The following TRIP12 variants were observed in gnomAD, a reference collection of about 807,000 sequenced individuals.
TRIP12 encodes E3 ubiquitin-protein ligase TRIP12.
TRIP12 carries 25 observed loss-of-function variants against 244.2 expected under a neutral mutation model. That is an observed-to-expected ratio of 0.10 (90% CI 0.07 to 0.14). The LOEUF (loss-of-function observed/expected upper bound fraction) is 0.14. Ranked by LOEUF, TRIP12 falls within the 10% of genes least tolerant of loss-of-function variation. The pLI is 1.00. For missense variants in TRIP12, 1,677 were observed against 2,486.4 expected (o/e 0.67, Z 6.92); for synonymous variants, 905 against 873.1 (o/e 1.04, Z -0.64).
At chr2:229,849,708 A>G (rs1426183127) in intron 4 of TRIP12, among the ~76,000 whole-genome samples, 1 of 152,098 alleles carries the variant, frequency 6.6e-6, no homozygotes, top group African/African-American at 2.4e-5. Context: ...ACAAAAAAAA[A>G]ATCTTTCTAA....
chr2:229,894,857 A>T (rs530928331), intron 1 of TRIP12, among the ~76,000 whole-genome samples: 47 of 152,288 alleles, frequency 3.1e-4, no homozygotes, highest in Non-Finnish European at 6.2e-4. Flanking sequence ...CATGTTTCCT[A>T]AAAAAACTTC....
At chr2:229,877,338 T>C (rs756177116) in intron 2 of TRIP12, among the ~76,000 whole-genome samples, 8 of 151,954 alleles carry the variant, frequency 5.3e-5, no homozygotes, top group Non-Finnish European at 1.2e-4. Context: ...AAGACCAGCC[T>C]GGCCAAGATG....
chr2:229,774,922 A>T (rs903658885), intron 37 of TRIP12, among the ~76,000 whole-genome samples: 11 of 152,154 alleles, frequency 7.2e-5, no homozygotes, highest in Non-Finnish European at 7.4e-5. Flanking sequence ...CTCACTTTTT[A>T]AAAAATGTCT....
At position 229,791,243 on chromosome 2, in the gene TRIP12, G is replaced by C. The variant is rs745592977; in HGVS notation, c.4424C>G (p.Pro1475Arg). 1 of 1,613,890 alleles carries C rather than the reference G, an allele frequency of 6.2e-7. No individual in the cohort carries two copies. The highest frequency in any genetic ancestry group is 8.5e-7 in the Non-Finnish European group (1 of 1,179,926). ...ATTACTTTCTTCATCCTCTCTCACA[G>C]GTTTATACCTAAAATGACAAGACAG... The part of the protein sequence containing the change: ...WTKTHTIWYK[P>R]VREDEESNKD... The change falls in exon 30 of 42, where the codon CCT (proline) becomes CGT (arginine). Residue 1475 changes from proline (P) to arginine (R), a missense_variant. Coordinates refer to ENST00000675903, the MANE Select transcript of TRIP12 (RefSeq NM_001348323.3).
intron 1 of TRIP12, among the ~76,000 whole-genome samples, chr2:229,917,702 G>C (rs1226274450): frequency 6.6e-6 from 1 of 152,128 alleles, no homozygotes; most frequent in East Asian, 1.9e-4. Flanking sequence ...AAAGCATTCT[G>C]AAGAATCTGC....
At position 229,836,842 on chromosome 2, in the gene TRIP12, A is replaced by G. The variant is rs756142947; in HGVS notation, c.1270+6T>C. ...CGCATTTTAAAGCTAAGAAGTACCA[A>G]TCTACCTGCAGCTCCTTGGGGAGCT... is the stretch of plus-strand genomic sequence containing the variant. On this transcript the variant is annotated splice_donor_region_variant and intron_variant, in intron 6 of 41. Transcript: ENST00000675903. 1 of 1,586,278 alleles carries G rather than the reference A, an allele frequency of 6.3e-7. No homozygotes were observed. The highest frequency in any genetic ancestry group is 8.5e-7 in the Non-Finnish European group (1 of 1,171,444).
At chr2:229,780,533 G>C (rs187840105) in intron 34 of TRIP12, among the ~76,000 whole-genome samples, 1 of 152,006 alleles carries the variant, frequency 6.6e-6, no homozygotes, top group African/African-American at 2.4e-5. Flanking sequence ...TTCTTACCAC[G>C]GCCTACATGA....
chr2:229,860,675 T>A, intron 2 of TRIP12, 144 bp from the exon 3 acceptor site: 1 of 870,270 alleles, frequency 1.1e-6, no homozygotes, highest in Non-Finnish European at 1.6e-6. Flanking sequence ...TTATAAATTT[T>A]AATTATTATT....
At chr2:229,826,944 T>A (rs1210880942) in intron 8 of TRIP12, among the ~76,000 whole-genome samples, 1 of 152,182 alleles carries the variant, frequency 6.6e-6, no homozygotes, top group East Asian at 1.9e-4. Flanking sequence ...TTTTGTAAAC[T>A]GTATATTTAT....
chr2:229,767,680 G>C lies in TRIP12; in HGVS notation c.6078C>G (p.Asp2026Glu), dbSNP rs746061364. 2 of 1,614,150 alleles carry C rather than the reference G, an allele frequency of 1.2e-6. No homozygotes were observed. The highest frequency in any genetic ancestry group is 2.2e-5 in the South Asian group (2 of 91,076). ...CACAAGTCATTACAGAGGGCAAGAA[G>C]TCATCTGGGTTTTCTGTTGATTCAA... ...KTFESTENPD[D>E]FLPSVMTCVN... Residue 2026 changes from aspartate (D) to glutamate (E), a missense_variant, in exon 42 of 42, where the codon GAC (aspartate) becomes GAG (glutamate). By Grantham distance (45) the Asp-to-Glu change is conservative (BLOSUM62 2). Around this residue, in one of 11 missense-constraint regions of TRIP12, gnomAD observed 171 missense variants for 388.4 expected, o/e 0.44. Coordinates refer to ENST00000675903, the MANE Select transcript of TRIP12 (RefSeq NM_001348323.3).
Position 229,774,274 on chromosome 2 carries a change from A to C in TRIP12, c.5530-13T>G. ...GACTCTCTTTGGTCTAAAAAACACA[A>C]ATGGGGGAGAAATGGTGTCAAGCAA... is the stretch of plus-strand genomic sequence containing the variant. On this transcript the variant is annotated splice_polypyrimidine_tract_variant and intron_variant, in intron 37 of 41. Coordinates refer to ENST00000675903, the MANE Select transcript of TRIP12 (RefSeq NM_001348323.3). 6.3e-7 allele frequency: 1 copy of C among 1,594,666 alleles called. No homozygotes were observed.
chr2:229,802,079 A>G (rs1437412491), intron 21 of TRIP12, among the ~76,000 whole-genome samples, 173 bp downstream of exon 21: 1 of 152,206 alleles, frequency 6.6e-6, no homozygotes, highest in Non-Finnish European at 1.5e-5. Flanking sequence ...ACACAGCCCA[A>G]TACAGTAGGT....
intron 8 of TRIP12, among the ~76,000 whole-genome samples, chr2:229,826,060 TA>T (rs1308253646): frequency 6.6e-6 from 1 of 152,164 alleles, no homozygotes; most frequent in Non-Finnish European, 1.5e-5. Flanking sequence ...TATTAACCAG[TA>T]AAGAGTGAAA....
In TRIP12 at chr2:229,804,010, A is replaced by C. The variant is rs1278131408; in HGVS notation, c.2868T>G (p.His956Gln). 1 of 1,613,040 alleles carries C rather than the reference A, an allele frequency of 6.2e-7. No homozygotes were observed. The highest frequency in any genetic ancestry group is 8.5e-7 in the Non-Finnish European group (1 of 1,179,686). The change falls in exon 19 of 42, where the codon CAT becomes CAG. Residue 956 changes from histidine to glutamine, a missense_variant. His to Gln is a conservative substitution (Grantham distance 24). This residue lies in a region of TRIP12 where 572 missense variants were observed against 867.8 expected (regional missense o/e 0.66). Transcript: ENST00000675903. ...AELLKDVLKN[H>Q]AVSSHIASML... is the part of the protein sequence containing the mutation. Reference sequence around the variant, plus strand: ...TTTCATTAACACACCTTGAAACAGCATGATTTTTCAGAACATCCTTCAGAA... The same window carrying C: ...TTTCATTAACACACCTTGAAACAGCCTGATTTTTCAGAACATCCTTCAGAA...
Position 229,796,667 on chromosome 2 carries a change from G to A in TRIP12, c.3740C>T (p.Thr1247Ile). The change falls in exon 25 of 42, where the codon ACA becomes ATA. Residue 1247 changes from threonine (T) to isoleucine (I), a missense_variant. By Grantham distance (89) the Thr-to-Ile change is moderately conservative. This residue lies in a region of TRIP12 where 77 missense variants were observed against 69.2 expected (regional missense o/e 1.11). Coordinates refer to ENST00000675903, the MANE Select transcript of TRIP12 (RefSeq NM_001348323.3). ...GFVKQLLLYL[T>I]SKSEKDAVSR... ...CACAGCATCCTTTTCACTTTTAGAT[G>A]TCAAATAAAGCAACAGCTGCTTCAC... 1 of 1,613,026 alleles carries A rather than the reference G, an allele frequency of 6.2e-7. No individual in the cohort carries two copies. Among genetic ancestry groups the A allele is most frequent in the Non-Finnish European group, 8.5e-7 (1 of 1,179,746 alleles).
rs781096232 is a variant in TRIP12 at position 229,807,879 on chromosome 2, T to C, written c.2340-15A>G. 4 of 1,605,212 alleles carry C rather than the reference T, an allele frequency of 2.5e-6. No individual in the cohort carries two copies. The highest frequency in any genetic ancestry group is 2.6e-6 in the Non-Finnish European group (3 of 1,174,422). ...GCATAAGTTCACTGAAAACAAAAAG[T>C]ACAATAATTTTAGTAACTTTATGAA... On this transcript the variant is annotated splice_polypyrimidine_tract_variant and intron_variant, in intron 16 of 41. Transcript: ENST00000675903.
intron 1 of TRIP12, among the ~76,000 whole-genome samples, chr2:229,903,184 T>C (rs754531600): frequency 1.5e-4 from 23 of 151,988 alleles, no homozygotes; most frequent in Non-Finnish European, 2.6e-4. Context: ...ATGGACACAA[T>C]GACTTCAAGC....
In TRIP12 at chr2:229,813,940, C is replaced by G; in HGVS notation, c.1916G>C (p.Ser639Thr). The G allele has an allele frequency of 6.3e-7, 1 of 1,598,988 alleles. No homozygotes were observed. Among genetic ancestry groups the G allele is most frequent in the Non-Finnish European group, 8.6e-7 (1 of 1,168,426 alleles). ...AAAATGAAATTCATCTGGCGTGATA[C>G]TCTGGCAGCAATTAGCTGCAATTGC... ...ALAIAANCCQSITPDEFHFVA... is the reference protein window; with the variant it reads ...ALAIAANCCQTITPDEFHFVA... The change falls in exon 13 of 42, where the codon AGT (serine) becomes ACT (threonine). Residue 639 changes from serine to threonine, a missense_variant. Transcript: ENST00000675903.
chr2:229,807,433 A>G (rs2046154152), intron 17 of TRIP12: 1 of 450,528 alleles, frequency 2.2e-6, no homozygotes, highest in Non-Finnish European at 4.0e-6. Context: ...AAGTCTTCCA[A>G]TGTTTCCTTT....
Sources: allele counts gnomAD v4.1 joint callset (sites outside exome capture counted in the v4.1 genomes callset), GRCh38; gene constraint gnomAD v4.1.1; regional missense constraint gnomAD v4.1.1; transcripts MANE v1.5; gene names NCBI Gene and HGNC (gene_info 2026-07-23, HGNC 2026-07-21).